The following ANKRD33 variants were observed in gnomAD, a reference collection of about 807,000 sequenced individuals.
ANKRD33 encodes ankyrin repeat domain 33.
ANKRD33 carries 20 observed loss-of-function variants against 20.6 expected under a neutral mutation model. The ratio of observed to expected loss-of-function variants is 0.97; its 90% CI spans 0.68 to 1.41. The LOEUF (loss-of-function observed/expected upper bound fraction) is 1.41, where lower values mean the gene tolerates loss of function less well. ANKRD33 is among the 40% of genes most tolerant of loss of function. The pLI is 0.00. For synonymous variants in ANKRD33, 246 were observed against 245.0 expected (o/e 1.00, Z -0.04); for missense variants, 545 against 579.6 (o/e 0.94, Z 0.61).
intron 4 of ANKRD33, 26 bp downstream of exon 4, chr12:51,889,508 G>T (rs747205205): frequency 2.5e-6 from 4 of 1,611,706 alleles, no homozygotes; most frequent in Non-Finnish European, 3.4e-6. Flanking sequence ...CCCTCCTCAT[G>T]GCAGGTGTGC....
In ANKRD33 at chr12:51,890,970, G is replaced by T; in HGVS notation, c.1024G>T (p.Val342Leu). 2 of 1,613,530 alleles carry T rather than the reference G, an allele frequency of 1.2e-6. No homozygotes were observed. Among genetic ancestry groups the T allele is most frequent in the Non-Finnish European group, 1.7e-6 (2 of 1,179,962 alleles). The change falls in exon 5 of 5, where the codon GTG becomes TTG. Residue 342 changes from valine (V) to leucine (L), a missense_variant. Transcript: ENST00000301190. ...PPSLGTRSKS[V>L]PELLGTAPPP... ...TTCGCTGGGCACCCGAAGCAAGTCC[G>T]TGCCAGAGCTGTTAGGTACTGCCCC...
intron 4 of ANKRD33, 131 bp downstream of exon 4, chr12:51,889,613 G>A (rs1413921728): frequency 6.9e-7 from 1 of 1,442,272 alleles, no homozygotes; most frequent in South Asian, 1.4e-5. Context: ...AAGGAGAGAG[G>A]TGGAGATGGG....
At chr12:51,889,272 C>T (rs1420240858) in intron 3 of ANKRD33, 76 bp downstream of exon 3, 8 of 1,610,230 alleles carry the variant, frequency 5.0e-6, no homozygotes, top group South Asian at 3.3e-5. Context: ...CCTTGTTGCA[C>T]GGTGTTCTAC....
At position 51,891,457 on chromosome 12, in the gene ANKRD33, T is replaced by A; in HGVS notation, c.*152T>A. ...TATACAAGGTCATTCATTCTAGCAT[T>A]GTTTGCAAGAGTGAAAGAGTGGAAA... On this transcript the variant is annotated 3_prime_UTR_variant, in exon 5 of 5. Transcript: ENST00000301190. 1 of 1,311,444 alleles carries A rather than the reference T, an allele frequency of 7.6e-7. No individual in the cohort carries two copies. The highest frequency in any genetic ancestry group is 1.0e-6 in the Non-Finnish European group (1 of 986,848). The allele number at this position is 1,311,444 out of a possible 1,614,324, so 81.2% of individuals were successfully genotyped here.
Position 51,888,590 on chromosome 12 carries a change from G to A in ANKRD33, c.168G>A (p.Gly56=), listed in dbSNP as rs1565583087. 6.4e-7 allele frequency: 1 copy of A among 1,559,060 alleles called. No individual in the cohort carries two copies. Among genetic ancestry groups the A allele is most frequent in the Non-Finnish European group, 8.7e-7 (1 of 1,154,876 alleles). Residue 56 remains glycine, a synonymous_variant, in exon 2 of 5, where the codon GGG becomes GGA. Transcript: ENST00000301190. ...RTPNASCMRK[G]THLLVPCLEE... ...TAGATGCCAGCTGCATGAGAAAAGG[G>A]ACTCACCTTCTGGTTCCCTGCCTGG...
rs556799256 is a variant in ANKRD33, at chr12:51,888,289, GTGCCCCGCGTTGAC to G, written c.108_121del (p.Arg37HisfsTer39). 3 of 1,614,194 alleles carry G rather than the reference GTGCCCCGCGTTGAC, an allele frequency of 1.9e-6. No homozygotes were observed. The East Asian group carries it at 6.7e-5, about 36-fold the overall frequency. On this transcript the variant is annotated frameshift_variant, in exon 1 of 5. Transcript: ENST00000301190. LOFTEE classifies it high-confidence loss of function. ...GATTGTGCTCCGCGGAGCCTGGGCT[GTGCCCCGCGTTGAC>G]TGCCTCATAGATACCCTACGAACCC...
At position 51,890,871 on chromosome 12, in the gene ANKRD33, G is replaced by T. The variant is rs1198799199; in HGVS notation, c.925G>T (p.Val309Leu). Reference protein sequence around the residue: ...PQEGGVLDHLVTATTSLASPF... With the variant: ...PQEGGVLDHLLTATTSLASPF... The stretch of plus-strand genomic sequence containing the variant: ...GGAGGGGGGTGTTCTGGACCACCTT[G>T]TGACTGCCACAACCAGCCTGGCCAG... The change falls in exon 5 of 5, where the codon GTG becomes TTG. Residue 309 changes from valine to leucine, a missense_variant. Transcript: ENST00000301190. The T allele has an allele frequency of 6.2e-7, 1 of 1,613,088 alleles. No homozygotes were observed. The highest frequency in any genetic ancestry group is 8.5e-7 in the Non-Finnish European group (1 of 1,179,956).
At chr12:51,890,389 C>T in intron 4 of ANKRD33, 195 bp from the exon 5 acceptor site, 1 of 1,389,060 alleles carries the variant, frequency 7.2e-7, no homozygotes, top group South Asian at 1.2e-5. Context: ...AGTCTTTTCC[C>T]CTCTCTGGAC....
rs766351699 is a variant in ANKRD33, at chr12:51,888,246, G to A, written c.60G>A (p.Glu20=). Residue 20 remains glutamate, a synonymous_variant, in exon 1 of 5, where the codon GAG becomes GAA. Coordinates refer to ENST00000301190, the MANE Select transcript of ANKRD33 (RefSeq NM_182608.4). Reference sequence around the variant, plus strand: ...CCTGGGGAGGGATAGTCCACCTGGAGGCATTCGGAGACCCAGTGATTGTGC... The same window carrying A: ...CCTGGGGAGGGATAGTCCACCTGGAAGCATTCGGAGACCCAGTGATTGTGC... The part of the protein sequence containing the change: ...VASWGGIVHL[E]AFGDPVIVLR... 6.8e-6 allele frequency: 11 copies of A among 1,614,220 alleles called. No homozygotes were observed. In the South Asian group the frequency reaches 1.1e-4, roughly 16 times the overall value.
At position 51,889,141 on chromosome 12, in the gene ANKRD33, T is replaced by C. The variant is rs769024546; in HGVS notation, c.471T>C (p.Asp157=). The change falls in exon 3 of 5, where the codon GAT becomes GAC. Residue 157 remains aspartate, a synonymous_variant. Transcript: ENST00000301190. The stretch of plus-strand genomic sequence containing the variant: ...TGCTCAGCCACTGTCCTTTCCTTGA[T>C]GTGAACCAGCAGGACAAAGGAGGGG... ...VALLSHCPFL[D]VNQQDKGGDT... The C allele has an allele frequency of 6.2e-7, 1 of 1,614,138 alleles. No individual in the cohort carries two copies. Among genetic ancestry groups the C allele is most frequent in the Non-Finnish European group, 8.5e-7 (1 of 1,180,004 alleles).
chr12:51,888,845 G>C, intron 2 of ANKRD33, 27 bp downstream of exon 2: 1 of 1,610,264 alleles, frequency 6.2e-7, no homozygotes, highest in Non-Finnish European at 8.5e-7. Context: ...TCCCAGAACA[G>C]CTGGGGGCAT....
chr12:51,890,658 G>A lies in ANKRD33; in HGVS notation c.712G>A (p.Asp238Asn), dbSNP rs147394567. 35 of 1,607,660 alleles carry A rather than the reference G, an allele frequency of 2.2e-5. 1 individual carries two copies. The African/African-American group carries it at 2.7e-4, about 12-fold the overall frequency. ...ATGGGCAGTGCTGACCGACAGCTTC[G>A]ACACCGTGTGGAGGATTCGGCAGCT... ...LEWAVLTDSF[D>N]TVWRIRQLLR... The change falls in exon 5 of 5, where the codon GAC becomes AAC. Residue 238 changes from aspartate (D) to asparagine (N), a missense_variant. Transcript: ENST00000301190.
chr12:51,890,993 C>T lies in ANKRD33; in HGVS notation c.1047C>T (p.Ala349=), dbSNP rs1940409324. The T allele has an allele frequency of 6.2e-7, 1 of 1,613,510 alleles. No individual in the cohort carries two copies. The highest frequency in any genetic ancestry group is 1.6e-4 in the Middle Eastern group (1 of 6,062). Reference sequence around the variant, plus strand: ...CCGTGCCAGAGCTGTTAGGTACTGCCCCGCCCCCTCCCCTGGTTCCCCAGT... The same window carrying T: ...CCGTGCCAGAGCTGTTAGGTACTGCTCCGCCCCCTCCCCTGGTTCCCCAGT... ...SKSVPELLGT[A]PPPPLVPQSP... is the part of the protein sequence containing the mutation. Residue 349 remains alanine, a synonymous_variant, in exon 5 of 5, where the codon GCC becomes GCT. Transcript: ENST00000301190.
rs1250307789 is a variant in ANKRD33 at position 51,888,823 on chromosome 12, G to C, written c.396+5G>C. 4 of 1,612,506 alleles carry C rather than the reference G, an allele frequency of 2.5e-6. No homozygotes were observed. In the African/African-American group the frequency reaches 5.3e-5, roughly 22 times the overall value. On this transcript the variant is annotated splice_donor_5th_base_variant and intron_variant, in intron 2 of 4. Coordinates refer to ENST00000301190, the MANE Select transcript of ANKRD33 (RefSeq NM_182608.4). ...CAGGTGGACAGCAATGGGAGGGTGAGATGTCCTGGCTTCCCAGAACAGCTG... is the reference window on the plus strand; with the variant it reads ...CAGGTGGACAGCAATGGGAGGGTGACATGTCCTGGCTTCCCAGAACAGCTG...
chr12:51,889,517 GCGGGGCC>G, intron 4 of ANKRD33, 35 bp downstream of exon 4: 1 of 1,609,812 alleles, frequency 6.2e-7, no homozygotes, highest in Non-Finnish European at 8.5e-7. Flanking sequence ...TGGCAGGTGT[GCGGGGCC>G]TGGACCGGGG....
In ANKRD33 at chr12:51,889,551, C is replaced by T. The variant is rs531269851; in HGVS notation, c.637+69C>T. 3 of 1,570,434 alleles carry T rather than the reference C, an allele frequency of 1.9e-6. No individual in the cohort carries two copies. The Admixed American group carries it at 5.6e-5, about 29-fold the overall frequency. ...GGACCGGGGTGTGTGGCCTCCAGTC[C>T]CTCCTCCAAGCCTTCCCACCAGACA... On this transcript the variant is annotated intron_variant, in intron 4 of 4. Transcript: ENST00000301190.
chr12:51,889,526 G>A (rs764521931), intron 4 of ANKRD33, 44 bp downstream of exon 4: 3 of 1,603,982 alleles, frequency 1.9e-6, no homozygotes, highest in Admixed American at 1.7e-5. Context: ...TGCGGGGCCT[G>A]GACCGGGGTG....
chr12:51,890,495 C>A, intron 4 of ANKRD33, 89 bp from the exon 5 acceptor site: 2 of 1,538,662 alleles, frequency 1.3e-6, no homozygotes, highest in Middle Eastern at 1.7e-4. Context: ...CGAATGTAAC[C>A]CACATCAGTC....
intron 4 of ANKRD33, 182 bp from the exon 5 acceptor site, chr12:51,890,402 A>C: frequency 1.4e-6 from 2 of 1,443,530 alleles, no homozygotes; most frequent in Non-Finnish European, 1.9e-6. Flanking sequence ...CTCTGGACCT[A>C]AGTGTCTTAA....
Sources: gnomAD v4.1 joint callset for allele counts on GRCh38, gnomAD v4.1.1 for gene constraint, MANE v1.5 for transcripts, NCBI Gene and HGNC (gene_info 2026-07-23, HGNC 2026-07-21) for gene names.